Variants in PPFIA2 observed in about 807,000 individuals in gnomAD.
The protein encoded by PPFIA2 is liprin-alpha-2.
Under a neutral mutation model 175.5 loss-of-function variants are expected in PPFIA2, and 46 were observed. The ratio of observed to expected loss-of-function variants is 0.26; its 90% CI spans 0.21 to 0.34. The LOEUF is 0.34. PPFIA2 is among the 10% of genes least tolerant of loss of function. The pLI is 1.00. For missense variants in PPFIA2, 1,179 were observed against 1,506.1 expected (o/e 0.78, Z 3.60); for synonymous variants, 568 against 511.4 (o/e 1.11, Z -1.49).
At chr12:81,594,987 T>G (rs1473933599) in intron 4 of PPFIA2, among the ~76,000 whole-genome samples, 2 of 152,012 alleles carry the variant, frequency 1.3e-5, no homozygotes. Context: ...CCATGAAAGT[T>G]TAGGACTGTG....
intron 6 of PPFIA2, among the ~76,000 whole-genome samples, chr12:81,443,303 G>C (rs1165859758): frequency 6.6e-6 from 1 of 151,980 alleles, no homozygotes; most frequent in East Asian, 1.9e-4. Flanking sequence ...ATCCAGATCT[G>C]TCTGACTCCA....
At chr12:81,281,005 G>T (rs1043953391) in intron 27 of PPFIA2, among the ~76,000 whole-genome samples, 2 of 152,132 alleles carry the variant, frequency 1.3e-5, no homozygotes, top group African/African-American at 2.4e-5. Context: ...ATAGATGTAT[G>T]CTCTATGAGG....
chr12:81,684,635 T>C (rs1273414562), intron 3 of PPFIA2, among the ~76,000 whole-genome samples: 2 of 152,140 alleles, frequency 1.3e-5, no homozygotes, highest in Non-Finnish European at 2.9e-5. Flanking sequence ...ACAATAAATC[T>C]TTATAAAATG....
intron 20 of PPFIA2, 96 bp downstream of exon 20, chr12:81,340,982 T>A: frequency 7.8e-7 from 1 of 1,278,476 alleles, no homozygotes; most frequent in Non-Finnish European, 1.1e-6. Flanking sequence ...GCTCAAATAA[T>A]GTAAATTGTT....
At chr12:81,758,697 G>A (rs1398904781) in intron 1 of PPFIA2, 190 bp from the exon 2 acceptor site, 1 of 238,152 alleles carries the variant, frequency 4.2e-6, no homozygotes, top group Non-Finnish European at 8.8e-6. Flanking sequence ...GCTCGGTTCA[G>A]ACCATTGTCA....
At chr12:81,666,903 T>A (rs2070428703) in intron 4 of PPFIA2, among the ~76,000 whole-genome samples, 1 of 152,148 alleles carries the variant, frequency 6.6e-6, no homozygotes, top group Admixed American at 6.6e-5. Flanking sequence ...CCACTACATC[T>A]TATGCTATTT....
intron 7 of PPFIA2, among the ~76,000 whole-genome samples, chr12:81,416,495 T>C (rs1178140582): frequency 1.3e-5 from 2 of 151,586 alleles, no homozygotes; most frequent in Non-Finnish European, 3.0e-5. Flanking sequence ...AAAATCTCCA[T>C]CACCAAGGAA....
intron 3 of PPFIA2, among the ~76,000 whole-genome samples, chr12:81,721,452 AAC>A (rs140887410): frequency 4.5e-4 from 67 of 148,938 alleles, no homozygotes; most frequent in Middle Eastern, 3.4e-3. Context: ...CACACACATA[AAC>A]ACACACACAC....
intron 4 of PPFIA2, among the ~76,000 whole-genome samples, chr12:81,648,611 C>T (rs1330949198): frequency 6.6e-6 from 1 of 151,460 alleles, no homozygotes; most frequent in African/African-American, 2.4e-5. Context: ...GACTCTCATG[C>T]AGGGTTTTTT....
At chr12:81,508,598 TTC>T (rs2061445397) in intron 4 of PPFIA2, among the ~76,000 whole-genome samples, 2 of 148,968 alleles carry the variant, frequency 1.3e-5, no homozygotes, top group African/African-American at 4.9e-5. Context: ...TTCTTTTTTT[TTC>T]TCTCTTTTTA....
At chr12:81,527,523 T>C (rs918869465) in intron 4 of PPFIA2, among the ~76,000 whole-genome samples, 1 of 152,134 alleles carries the variant, frequency 6.6e-6, no homozygotes, top group Non-Finnish European at 1.5e-5. Context: ...AATATATGCA[T>C]AGTTCCTTCT....
intron 3 of PPFIA2, among the ~76,000 whole-genome samples, chr12:81,724,448 T>C (rs947631197): frequency 6.6e-6 from 1 of 150,850 alleles, no homozygotes; most frequent in Non-Finnish European, 1.5e-5. Context: ...TTGTACCCAT[T>C]AGGTAACTTT....
At chr12:81,609,293 C>A (rs903850143) in intron 4 of PPFIA2, among the ~76,000 whole-genome samples, 1 of 151,940 alleles carries the variant, frequency 6.6e-6, no homozygotes, top group Non-Finnish European at 1.5e-5. Context: ...CTACTAGGAC[C>A]AATTGGTCAA....
intron 4 of PPFIA2, among the ~76,000 whole-genome samples, chr12:81,652,867 C>A (rs2067224759): frequency 6.6e-6 from 1 of 152,106 alleles, no homozygotes; most frequent in Admixed American, 6.6e-5. Flanking sequence ...TCTTCCCACT[C>A]CCAACCCCAC....
intron 4 of PPFIA2, among the ~76,000 whole-genome samples, chr12:81,621,172 G>A (rs1170444565): frequency 1.3e-5 from 2 of 152,116 alleles, no homozygotes; most frequent in African/African-American, 4.8e-5. Flanking sequence ...ACAGATATGA[G>A]GTGAGAAAGG....
intron 21 of PPFIA2, among the ~76,000 whole-genome samples, chr12:81,331,498 TA>T (rs1251499527): frequency 6.6e-6 from 1 of 152,214 alleles, no homozygotes; most frequent in Non-Finnish European, 1.5e-5. Flanking sequence ...ACTGTGAAAT[TA>T]TTTTTTTATT....
At chr12:81,636,236 T>A (rs1439615097) in intron 4 of PPFIA2, among the ~76,000 whole-genome samples, 2 of 151,716 alleles carry the variant, frequency 1.3e-5, no homozygotes, top group Admixed American at 1.3e-4. Context: ...CAAACGTAAA[T>A]CTGATTGTAT....
intron 3 of PPFIA2, among the ~76,000 whole-genome samples, chr12:81,719,947 T>C (rs780258983): frequency 6.6e-6 from 1 of 151,476 alleles, no homozygotes; most frequent in Non-Finnish European, 1.5e-5. Flanking sequence ...GTTATGTTTG[T>C]CTTATTAATA....
intron 24 of PPFIA2, among the ~76,000 whole-genome samples, chr12:81,288,641 A>G (rs1180525541): frequency 6.6e-6 from 1 of 151,810 alleles, no homozygotes; most frequent in African/African-American, 2.4e-5. Flanking sequence ...AATCTTACCT[A>G]GTTAAAGTAA....
Sources: allele counts gnomAD v4.1 joint callset (sites outside exome capture counted in the v4.1 genomes callset), GRCh38; gene constraint gnomAD v4.1.1; transcripts MANE v1.5; gene names NCBI Gene and HGNC (gene_info 2026-07-23, HGNC 2026-07-21).